The following HS3ST2 variants were observed in gnomAD, a reference collection of about 807,000 sequenced individuals.
HS3ST2 encodes heparan sulfate glucosamine 3-O-sulfotransferase 2.
In HS3ST2, 17 loss-of-function variants were observed where a neutral mutation model predicts 26.3. That is an observed-to-expected ratio of 0.65 (90% CI 0.44 to 0.97). HS3ST2 has a LOEUF of 0.97. Ranked by LOEUF, HS3ST2 falls within the 50% of genes least tolerant of loss-of-function variation. The pLI is 0.00. For missense variants in HS3ST2, 402 were observed against 501.2 expected (o/e 0.80, Z 1.89); for synonymous variants, 237 against 219.2 (o/e 1.08, Z -0.72).
At chr16:22,821,374 G>A (rs909889828) in intron 1 of HS3ST2, among the ~76,000 whole-genome samples, 1 of 151,078 alleles carries the variant, frequency 6.6e-6, no homozygotes, top group African/African-American at 2.4e-5. Context: ...GGTATGCAGG[G>A]CTGTAGAATA....
chr16:22,855,538 C>G (rs1901579164), intron 1 of HS3ST2, among the ~76,000 whole-genome samples: 1 of 152,220 alleles, frequency 6.6e-6, no homozygotes, highest in African/African-American at 2.4e-5. Flanking sequence ...CCCTGCTGCT[C>G]TCTAAACATC....
intron 1 of HS3ST2, among the ~76,000 whole-genome samples, chr16:22,833,746 C>G (rs1027372563): frequency 6.6e-6 from 1 of 152,098 alleles, no homozygotes; most frequent in African/African-American, 2.4e-5. Context: ...GGATCTGCTA[C>G]TATCATCATT....
chr16:22,861,651 G>A (rs933296135), intron 1 of HS3ST2, among the ~76,000 whole-genome samples: 1 of 152,098 alleles, frequency 6.6e-6, no homozygotes, highest in African/African-American at 2.4e-5. Flanking sequence ...TCCAGAGCTG[G>A]GGAGGGAAAC....
At chr16:22,862,418 G>A (rs140773228) in intron 1 of HS3ST2, among the ~76,000 whole-genome samples, 1 of 152,064 alleles carries the variant, frequency 6.6e-6, no homozygotes, top group Non-Finnish European at 1.5e-5. Context: ...CCAGGCACCT[G>A]TTATACTTGC....
chr16:22,890,156 C>A (rs1166868333), intron 1 of HS3ST2, among the ~76,000 whole-genome samples: 1 of 152,136 alleles, frequency 6.6e-6, no homozygotes, highest in Non-Finnish European at 1.5e-5. Context: ...CACACAAGGG[C>A]TTGGAGTTAA....
chr16:22,874,036 A>G (rs1901875736), intron 1 of HS3ST2, among the ~76,000 whole-genome samples: 1 of 152,178 alleles, frequency 6.6e-6, no homozygotes, highest in African/African-American at 2.4e-5. Context: ...TGCATGTGCC[A>G]TGTTTGCGAC....
At position 22,914,763 on chromosome 16, in the gene HS3ST2, A is replaced by AAAAAAAAAAAAAAAAAG. The variant is rs1489223344; in HGVS notation, c.486-180_486-179insAAAAAAAAAAAAAAAGA. On this transcript the variant is annotated intron_variant, in intron 1 of 1. Coordinates refer to ENST00000261374, the MANE Select transcript of HS3ST2 (RefSeq NM_006043.2). ...AAAAAAAAAAAAAAAAAAAAAAAAA[A>AAAAAAAAAAAAAAAAAG]AGAGAAGAAAAGAAAATCAACAAGA... is the stretch of plus-strand genomic sequence containing the variant. Among the ~76,000 whole-genome samples, 13 of 118,690 alleles carry AAAAAAAAAAAAAAAAAG rather than the reference A, an allele frequency of 1.1e-4. 1 individual carries two copies. Among genetic ancestry groups the AAAAAAAAAAAAAAAAAG allele is most frequent in the African/African-American group, 4.1e-4 (11 of 26,624 alleles). The allele number at this position is 118,690 out of a possible 152,430, so 77.9% of individuals were successfully genotyped here.
In HS3ST2 at chr16:22,896,358, G is replaced by A. The variant is rs530303835; in HGVS notation, c.486-18586G>A. Among the ~76,000 whole-genome samples the A allele has an allele frequency of 1.1e-4, 16 of 152,216 alleles. No individual in the cohort carries two copies. In the South Asian group the frequency reaches 2.5e-3, roughly 24 times the overall value. Reference sequence around the variant, plus strand: ...TGCCTTCACAGGCACGTTAGCTCTCGGATGTGGGTTTTATTTCGTTCAGAC... The same window carrying A: ...TGCCTTCACAGGCACGTTAGCTCTCAGATGTGGGTTTTATTTCGTTCAGAC... On this transcript the variant is annotated intron_variant, in intron 1 of 1. Coordinates refer to ENST00000261374, the MANE Select transcript of HS3ST2 (RefSeq NM_006043.2).
chr16:22,861,114 C>T (rs1045093974), intron 1 of HS3ST2, among the ~76,000 whole-genome samples: 5 of 152,100 alleles, frequency 3.3e-5, no homozygotes, highest in African/African-American at 9.7e-5. Context: ...TGAGCTTAGG[C>T]AATCTTCCTG....
chr16:22,880,203 G>A (rs981429384), intron 1 of HS3ST2, among the ~76,000 whole-genome samples: 2 of 152,140 alleles, frequency 1.3e-5, no homozygotes, highest in African/African-American at 4.8e-5. Context: ...AAGATCACTT[G>A]AGTCCAGTAG....
At chr16:22,906,999 C>T (rs1043281066) in intron 1 of HS3ST2, among the ~76,000 whole-genome samples, 3 of 152,018 alleles carry the variant, frequency 2.0e-5, no homozygotes, top group African/African-American at 7.3e-5. Context: ...TGCTAGTAGG[C>T]GGTTATACAA....
intron 1 of HS3ST2, among the ~76,000 whole-genome samples, chr16:22,882,809 G>T (rs1902007377): frequency 6.6e-6 from 1 of 152,016 alleles, no homozygotes; most frequent in African/African-American, 2.4e-5. Context: ...GAGGCAGGTG[G>T]ATCACGAGGT....
intron 1 of HS3ST2, among the ~76,000 whole-genome samples, chr16:22,820,171 C>G (rs572150040): frequency 3.3e-5 from 5 of 151,866 alleles, no homozygotes; most frequent in African/African-American, 9.7e-5. Context: ...GTCCATAAAC[C>G]CCCCCCCATT....
intron 1 of HS3ST2, among the ~76,000 whole-genome samples, chr16:22,827,945 A>C (rs547237408): frequency 6.6e-6 from 1 of 151,858 alleles, no homozygotes; most frequent in East Asian, 1.9e-4. Context: ...CCTCTCAAGC[A>C]ATCCTCCTGC....
At chr16:22,878,559 T>C (rs1459921402) in intron 1 of HS3ST2, among the ~76,000 whole-genome samples, 2 of 152,028 alleles carry the variant, frequency 1.3e-5, no homozygotes, top group East Asian at 1.9e-4. Flanking sequence ...GCATCCTCCC[T>C]GTAAGCCAGG....
At chr16:22,893,522 G>C (rs545928650) in intron 1 of HS3ST2, among the ~76,000 whole-genome samples, 13 of 151,920 alleles carry the variant, frequency 8.6e-5, no homozygotes, top group African/African-American at 3.1e-4. Context: ...AATGTGTAGA[G>C]ATGATAATTT....
intron 1 of HS3ST2, among the ~76,000 whole-genome samples, chr16:22,840,695 A>C (rs1308095656): frequency 6.6e-6 from 1 of 152,200 alleles, no homozygotes; most frequent in Non-Finnish European, 1.5e-5. Flanking sequence ...ATACAGCTAC[A>C]TGCTAGAAAG....
intron 1 of HS3ST2, among the ~76,000 whole-genome samples, chr16:22,894,123 G>A (rs1329632117): frequency 6.6e-6 from 1 of 152,084 alleles, no homozygotes; most frequent in African/African-American, 2.4e-5. Context: ...ACCCGTCCAT[G>A]CTTTCCTTGT....
intron 1 of HS3ST2, among the ~76,000 whole-genome samples, chr16:22,904,902 G>A (rs1902330025): frequency 6.6e-6 from 1 of 152,202 alleles, no homozygotes; most frequent in South Asian, 2.1e-4. Flanking sequence ...TATGAGAGGG[G>A]GCTCATGACT....
Sources: gnomAD v4.1 joint callset for allele counts (sites outside exome capture counted in the v4.1 genomes callset) on GRCh38, gnomAD v4.1.1 for gene constraint, MANE v1.5 for transcripts, NCBI Gene and HGNC (gene_info 2026-07-23, HGNC 2026-07-21) for gene names.